The following SPNS3 variants were observed in gnomAD, a reference collection of about 807,000 sequenced individuals.
SPNS3 encodes protein spinster homolog 3.
A neutral mutation model predicts 54.4 loss-of-function variants in SPNS3; 51 were observed. That is an observed-to-expected ratio of 0.94 (90% CI 0.75 to 1.18). SPNS3 has a LOEUF of 1.18. SPNS3 is among the 50% of genes most tolerant of loss of function. SPNS3 has a pLI of 0.00. For synonymous variants in SPNS3, 309 were observed against 294.7 expected, an observed-to-expected ratio of 1.05 and a Z score of -0.50; for missense variants, 669 against 677.4, an observed-to-expected ratio of 0.99 and a Z score of 0.14.
chr17:4,484,084 C>CGGTGTT (rs1972245416), intron 9 of SPNS3, among the ~76,000 whole-genome samples: 1 of 152,212 alleles, frequency 6.6e-6, no homozygotes, highest in Admixed American at 6.5e-5. Flanking sequence ...CCGGCTCCTC[C>CGGTGTT]TTGCCCATCA....
intron 8 of SPNS3, among the ~76,000 whole-genome samples, chr17:4,466,292 A>T (rs1349337432): frequency 6.6e-6 from 1 of 152,264 alleles, no homozygotes; most frequent in Non-Finnish European, 1.5e-5. Flanking sequence ...CTGTAATCCC[A>T]GCACTTCGGA....
intron 6 of SPNS3, among the ~76,000 whole-genome samples, chr17:4,448,703 C>T (rs16942572): frequency 0.11 from 17,284 of 152,264 alleles, 1,213 homozygotes; most frequent in Middle Eastern, 0.21. Context: ...TCATGGCGTG[C>T]ATGATCCTCT....
At chr17:4,456,687 T>G (rs1179187861) in intron 8 of SPNS3, among the ~76,000 whole-genome samples, 1 of 151,150 alleles carries the variant, frequency 6.6e-6, no homozygotes, top group African/African-American at 2.4e-5. Context: ...CACTAATTGT[T>G]GTGTTTTTTG....
intron 8 of SPNS3, among the ~76,000 whole-genome samples, chr17:4,473,828 C>T (rs923367739): frequency 3.4e-4 from 52 of 152,320 alleles, no homozygotes; most frequent in South Asian, 4.1e-4. Context: ...CATCAAGGGT[C>T]AGCCCAGGAT....
intron 8 of SPNS3, among the ~76,000 whole-genome samples, chr17:4,472,787 T>A (rs922414696): frequency 1.9e-3 from 207 of 111,874 alleles, no homozygotes; most frequent in East Asian, 0.015. Flanking sequence ...TTTTTTTTTT[T>A]TTTTTTTTTT....
intron 9 of SPNS3, chr17:4,481,933 G>T (rs2144225234): frequency 6.6e-6 from 1 of 151,792 alleles, no homozygotes; most frequent in South Asian, 2.1e-4. Context: ...ACTGTCGCCA[G>T]GCTGGAGTGC....
At chr17:4,458,717 C>T (rs1054291930) in intron 8 of SPNS3, among the ~76,000 whole-genome samples, 4 of 149,364 alleles carry the variant, frequency 2.7e-5, no homozygotes, top group Admixed American at 2.1e-4. Flanking sequence ...CAGGGTCTCC[C>T]TGTGTTGCCC....
At chr17:4,462,757 C>CTAT (rs1567566668) in intron 8 of SPNS3, among the ~76,000 whole-genome samples, 2 of 38,334 alleles carry the variant, frequency 5.2e-5, no homozygotes, top group African/African-American at 3.2e-4. Context: ...ATCCACCAAT[C>CTAT]CATCCATCCA....
intron 8 of SPNS3, among the ~76,000 whole-genome samples, chr17:4,462,162 C>T (rs1324674664): frequency 0.045 from 5 of 110 alleles, no homozygotes; most frequent in African/African-American, 0.061. Flanking sequence ...TCCATCCATC[C>T]ATCCATCCAT....
At chr17:4,450,750 C>A (rs1458371184) in intron 7 of SPNS3, among the ~76,000 whole-genome samples, 1 of 146,522 alleles carries the variant, frequency 6.8e-6, no homozygotes, top group South Asian at 2.2e-4. Context: ...GCATGTGCTA[C>A]CATGCCCAGC....
rs1970799096 is a variant in SPNS3 at position 4,439,674 on chromosome 17, A to T, written c.216A>T (p.Ile72=). The T allele has an allele frequency of 6.2e-7, 1 of 1,613,368 alleles. No individual in the cohort carries two copies. Among genetic ancestry groups the T allele is most frequent in the Non-Finnish European group, 8.5e-7 (1 of 1,179,762 alleles). ...WFIIAGVLLD[I]QEVFQISDNH... ...TGTCTGCAGGAGTGCTGCTGGATAT[A>T]CAGGAGGTTTTCCAGATCAGTGACA... The change falls in exon 2 of 12, where the codon ATA becomes ATT. Residue 72 remains isoleucine, a synonymous_variant. Coordinates refer to ENST00000355530, the MANE Select transcript of SPNS3 (RefSeq NM_182538.5).
chr17:4,443,404 A>G (rs908387835), intron 2 of SPNS3, among the ~76,000 whole-genome samples: 1 of 152,236 alleles, frequency 6.6e-6, no homozygotes, highest in Non-Finnish European at 1.5e-5. Context: ...GATAAAGAAG[A>G]TATGCATAAA....
intron 2 of SPNS3, among the ~76,000 whole-genome samples, chr17:4,444,351 A>G (rs1285814249): frequency 6.6e-6 from 1 of 151,516 alleles, no homozygotes; most frequent in African/African-American, 2.4e-5. Context: ...AGTAGCTGGG[A>G]GTACAGATGC....
chr17:4,485,546 T>C (rs1972290113), intron 9 of SPNS3, among the ~76,000 whole-genome samples: 1 of 152,122 alleles, frequency 6.6e-6, no homozygotes, highest in Non-Finnish European at 1.5e-5. Context: ...TACAGGCATG[T>C]GCCACCACGC....
chr17:4,470,761 TAA>T (rs1227588377), intron 8 of SPNS3, among the ~76,000 whole-genome samples: 1 of 152,182 alleles, frequency 6.6e-6, no homozygotes, highest in Non-Finnish European at 1.5e-5. Context: ...TCAAAGGAAT[TAA>T]GTTCGAATTA....
chr17:4,468,842 G>A (rs1425463383), intron 8 of SPNS3, among the ~76,000 whole-genome samples: 8 of 148,820 alleles, frequency 5.4e-5, no homozygotes, highest in Non-Finnish European at 1.0e-4. Flanking sequence ...AGGCTGGAGG[G>A]CAATGGCATG....
chr17:4,445,131 C>G lies in SPNS3; in HGVS notation c.365C>G (p.Ser122Ter). The change falls in exon 3 of 12, where the codon TCA becomes TGA. Residue 122 changes from serine (S) to a stop codon, truncating the protein, a stop_gained. Coordinates refer to ENST00000355530, the MANE Select transcript of SPNS3 (RefSeq NM_182538.5). LOFTEE classifies it high-confidence loss of function. ...ATMSFGILLW[S>*]GAGLSSSFIS... Reference sequence around the variant, plus strand: ...ATGAGCTTCGGTATCTTGCTGTGGTCAGGAGCTGGCCTCTCTAGCTCCTTC... The same window carrying G: ...ATGAGCTTCGGTATCTTGCTGTGGTGAGGAGCTGGCCTCTCTAGCTCCTTC... 6.2e-7 allele frequency: 1 copy of G among 1,614,120 alleles called. No individual in the cohort carries two copies. The highest frequency in any genetic ancestry group is 1.3e-5 in the African/African-American group (1 of 75,056).
At chr17:4,438,344 G>A (rs1358093637) in intron 1 of SPNS3, among the ~76,000 whole-genome samples, 3 of 152,194 alleles carry the variant, frequency 2.0e-5, no homozygotes, top group Non-Finnish European at 2.9e-5. Context: ...GTAGAATGGG[G>A]GCAATGACAG....
intron 8 of SPNS3, among the ~76,000 whole-genome samples, chr17:4,464,932 C>A (rs1411589237): frequency 3.3e-5 from 5 of 152,150 alleles, no homozygotes; most frequent in Non-Finnish European, 5.9e-5. Flanking sequence ...CCACCCGCCT[C>A]GGCCTCCCAG....
Sources: allele counts gnomAD v4.1 joint callset (sites outside exome capture counted in the v4.1 genomes callset), GRCh38; gene constraint gnomAD v4.1.1; transcripts MANE v1.5; gene names NCBI Gene and HGNC (gene_info 2026-07-23, HGNC 2026-07-21).